IMMT: variants seen among roughly 807,000 people sequenced by gnomAD.
IMMT encodes the protein inner membrane mitochondrial protein, also known as MICOS complex subunit MIC60.
Under a neutral mutation model 92.7 loss-of-function variants are expected in IMMT, and 40 were observed. The ratio of observed to expected loss-of-function variants is 0.43; its 90% confidence interval spans 0.34 to 0.56. IMMT has a LOEUF of 0.56. Ranked by LOEUF, IMMT falls within the 20% of genes least tolerant of loss-of-function variation. The pLI is 0.03. For missense variants in IMMT, 831 were observed against 912.1 expected (o/e 0.91, Z 1.14); for synonymous variants, 322 against 336.1 (o/e 0.96, Z 0.46).
intron 1 of IMMT, chr2:86,195,054 G>A: frequency 2.6e-6 from 1 of 382,096 alleles, no homozygotes; most frequent in Non-Finnish European, 4.9e-6. Flanking sequence ...AGCCAGGATT[G>A]GTCCTGGACG....
rs1454855803 is a variant in IMMT at position 86,162,032 on chromosome 2, T to G, written c.840A>C (p.Ala280=). 6.2e-7 allele frequency: 1 copy of G among 1,608,118 alleles called. No homozygotes were observed. Among genetic ancestry groups the G allele is most frequent in the Non-Finnish European group, 8.5e-7 (1 of 1,177,302 alleles). ...CTACTGCCTTTCTGCGTTCCTTCAA[T>G]GCACCCTCCACTGTGCGCCACTGAG... ...KSAQWRTVEG[A]LKERRKAVDE... The change falls in exon 8 of 15, where the codon GCA becomes GCC. Residue 280 remains alanine (A), a synonymous_variant. Coordinates refer to ENST00000410111, the MANE Select transcript of IMMT (RefSeq NM_006839.3).
chr2:86,162,622 G>A (rs1204403488), intron 7 of IMMT, among the ~76,000 whole-genome samples: 1 of 151,942 alleles, frequency 6.6e-6, no homozygotes, highest in Non-Finnish European at 1.5e-5. Flanking sequence ...GAGACCAGCG[G>A]ATCACGAGGT....
chr2:86,162,485 T>G (rs1349223760), intron 7 of IMMT, among the ~76,000 whole-genome samples: 1 of 151,890 alleles, frequency 6.6e-6, no homozygotes, highest in African/African-American at 2.4e-5. Context: ...TTGTTACATA[T>G]AAGTCAACTA....
chr2:86,187,636 C>T (rs775466193), intron 1 of IMMT, among the ~76,000 whole-genome samples: 19 of 152,148 alleles, frequency 1.2e-4, no homozygotes, highest in Non-Finnish European at 2.4e-4. Context: ...CACAGCCAGG[C>T]TCAGTCGCTC....
Position 86,173,775 on chromosome 2 carries a change from A to C in IMMT, c.310-14T>G, listed in dbSNP as rs752700232. On this transcript the variant is annotated splice_polypyrimidine_tract_variant and intron_variant, in intron 3 of 14. Transcript: ENST00000410111. ...ACCCGACTGAATCTTGGAAATAAAA[A>C]ACATTTAACATTTCAGATATACTAC... 2.9e-6 allele frequency: 4 copies of C among 1,359,936 alleles called. No homozygotes were observed. In the East Asian group the frequency reaches 9.2e-5, roughly 31 times the overall value. The allele number at this position is 1,359,936 out of a possible 1,614,324, so 84.2% of individuals were successfully genotyped here. A position where few individuals can be genotyped will look rare whatever the true frequency, so the allele number is the denominator to read the frequency against.
chr2:86,158,516 G>T (rs955776224), intron 10 of IMMT, 76 bp downstream of exon 10: 1 of 1,260,756 alleles, frequency 7.9e-7, no homozygotes, highest in Non-Finnish European at 1.1e-6. Flanking sequence ...GGACTACAAT[G>T]GAGATGAAGC....
At chr2:86,186,021 G>C (rs946432635) in intron 1 of IMMT, among the ~76,000 whole-genome samples, 20 of 152,162 alleles carry the variant, frequency 1.3e-4, no homozygotes, top group Non-Finnish European at 1.5e-5. Flanking sequence ...TTTTTGAATA[G>C]GAGTGTCTAG....
At chr2:86,162,527 C>T (rs757955909) in intron 7 of IMMT, among the ~76,000 whole-genome samples, 6 of 151,122 alleles carry the variant, frequency 4.0e-5, no homozygotes, top group Non-Finnish European at 8.8e-5. Context: ...GTGACTCTTA[C>T]GGTATGTGAA....
At chr2:86,158,947 A>G (rs1265721113) in intron 9 of IMMT, among the ~76,000 whole-genome samples, 1 of 151,986 alleles carries the variant, frequency 6.6e-6, no homozygotes, top group Admixed American at 6.6e-5. Context: ...CTCCATACAT[A>G]TCATATAAGT....
intron 6 of IMMT, among the ~76,000 whole-genome samples, chr2:86,169,042 T>C (rs1676914753): frequency 6.6e-6 from 1 of 152,232 alleles, no homozygotes; most frequent in African/African-American, 2.4e-5. Flanking sequence ...TGATCCTTGA[T>C]AAATATTTCA....
chr2:86,190,027 TC>T (rs1327301926), intron 1 of IMMT, among the ~76,000 whole-genome samples: 1 of 152,220 alleles, frequency 6.6e-6, no homozygotes, highest in African/African-American at 2.4e-5. Flanking sequence ...ACTTTAGTTT[TC>T]CCTGCACATA....
chr2:86,173,714 T>C lies in IMMT; in HGVS notation c.357A>G (p.Lys119=). Residue 119 remains lysine (K), a synonymous_variant, in exon 4 of 15, where the codon AAA becomes AAG. Transcript: ENST00000410111. ...LKISSVSEVM[K]ESKQPASQLQ... is the part of the protein sequence containing the mutation. ...GTTGTGAGGCAGGCTGTTTAGATTC[T>C]TTCATTACTTCTGATACACTAGAGA... The C allele has an allele frequency of 1.2e-6, 2 of 1,608,786 alleles. No individual in the cohort carries two copies. The highest frequency in any genetic ancestry group is 8.5e-7 in the Non-Finnish European group (1 of 1,175,462).
In IMMT at chr2:86,178,317, C is replaced by CAA. The variant is rs58264892; in HGVS notation, c.309+1114_309+1115dup. Among the ~76,000 whole-genome samples the CAA allele has an allele frequency of 6.2e-4, 56 of 89,734 alleles. 6 individuals are homozygous for CAA. The highest frequency in any genetic ancestry group is 1.6e-3 in the South Asian group (4 of 2,470). 58.9% of individuals were successfully genotyped at this position (89,734 alleles called of 152,430 possible). A position where few individuals can be genotyped will look rare whatever the true frequency, so the allele number is the denominator to read the frequency against. On this transcript the variant is annotated intron_variant, in intron 3 of 14. Coordinates refer to ENST00000410111, the MANE Select transcript of IMMT (RefSeq NM_006839.3). ...TGCGTGACACAGCAAGACTCCATCTCAAAAAAAAAAAAAAGAAAAAAAAAA... is the reference window on the plus strand; with the variant it reads ...TGCGTGACACAGCAAGACTCCATCTCAAAAAAAAAAAAAAAAGAAAAAAAAAA...
intron 4 of IMMT, among the ~76,000 whole-genome samples, chr2:86,171,955 G>C (rs1282190527): frequency 2.1e-5 from 2 of 93,450 alleles, no homozygotes; most frequent in Non-Finnish European, 4.7e-5. Context: ...TGTGTGTGTA[G>C]TATATTTTTT....
intron 1 of IMMT, among the ~76,000 whole-genome samples, chr2:86,192,614 GA>G (rs1300899957): frequency 6.6e-6 from 1 of 152,162 alleles, no homozygotes; most frequent in Non-Finnish European, 1.5e-5. Flanking sequence ...TTTAAAGGTG[GA>G]AACTGTGTAA....
Position 86,179,479 on chromosome 2 carries a change from A to T in IMMT, c.263T>A (p.Met88Lys). ...TIPYSDKLFE[M>K]VLGPAAYNVP... ...ATTATAAGCTGCAGGACCAAGAACC[A>T]TCTCGAAGAGTTTGTCTGAGTAAGG... The change falls in exon 3 of 15, where the codon ATG becomes AAG. Residue 88 changes from methionine to lysine, a missense_variant. Coordinates refer to ENST00000410111, the MANE Select transcript of IMMT (RefSeq NM_006839.3). 1 of 1,612,474 alleles carries T rather than the reference A, an allele frequency of 6.2e-7. No homozygotes were observed. Among genetic ancestry groups the T allele is most frequent in the African/African-American group, 1.3e-5 (1 of 74,938 alleles).
chr2:86,166,525 C>A lies in IMMT; in HGVS notation c.775G>T (p.Ala259Ser), dbSNP rs774225262. Residue 259 changes from alanine to serine, a missense_variant, in exon 7 of 15, where the codon GCC becomes TCC. By Grantham distance (99) the Ala-to-Ser change is moderately conservative. Transcript: ENST00000410111. ...VNAHSNILKAAMDNSEIAGEK... is the reference protein window; with the variant it reads ...VNAHSNILKASMDNSEIAGEK... ...GGGCTCACCTCAGAATTGTCCATGGCGGCTTTCAATATGTTGGAGTGTGCA... is the reference window on the plus strand; with the variant it reads ...GGGCTCACCTCAGAATTGTCCATGGAGGCTTTCAATATGTTGGAGTGTGCA... The A allele has an allele frequency of 1.2e-6, 2 of 1,611,324 alleles. No individual in the cohort carries two copies. The highest frequency in any genetic ancestry group is 1.1e-5 in the South Asian group (1 of 90,750).
At position 86,184,738 on chromosome 2, in the gene IMMT, C is replaced by CAAA. The variant is rs60481149; in HGVS notation, c.46-3369_46-3367dup. On this transcript the variant is annotated intron_variant, in intron 1 of 14. Transcript: ENST00000410111. The stretch of plus-strand genomic sequence containing the variant: ...CTGTTGGTGAGGGCTTAAAGAAAAG[C>CAAA]AAAAAAAAAAAAAAATTTTGGAACC... 6.0e-5 allele frequency among the ~76,000 whole-genome samples: 6 copies of CAAA among 100,198 alleles called. No homozygotes were observed. In the East Asian group the frequency reaches 1.0e-3, roughly 17 times the overall value. The allele number at this position is 100,198 out of a possible 152,430, so 65.7% of individuals were successfully genotyped here. A position where few individuals can be genotyped will look rare whatever the true frequency, so the allele number is the denominator to read the frequency against.
chr2:86,150,920 ATT>A (rs35901635), intron 12 of IMMT, among the ~76,000 whole-genome samples: 69,084 of 145,372 alleles, frequency 0.48, 16,289 homozygotes, highest in Non-Finnish European at 0.51. Flanking sequence ...GACTGTCAGT[ATT>A]TTTTTTTTTT....
Sources: allele counts gnomAD v4.1 joint callset (sites outside exome capture counted in the v4.1 genomes callset), GRCh38; gene constraint gnomAD v4.1.1; transcripts MANE v1.5; gene names NCBI Gene and HGNC (gene_info 2026-07-23, HGNC 2026-07-21).